The following SLC20A2 variants were observed in gnomAD, a reference collection of about 807,000 sequenced individuals.
The protein encoded by SLC20A2 is sodium-dependent phosphate transporter 2.
In SLC20A2, 30 loss-of-function variants were observed where a neutral mutation model predicts 61.0. The ratio of observed to expected loss-of-function variants is 0.49; its 90% CI spans 0.37 to 0.67. The LOEUF (loss-of-function observed/expected upper bound fraction) is 0.67, where lower values mean the gene tolerates loss of function less well. SLC20A2 is among the 30% of genes least tolerant of loss of function. SLC20A2 has a pLI of 0.00. For synonymous variants in SLC20A2, 351 were observed against 353.3 expected (o/e 0.99, Z 0.07); for missense variants, 626 against 866.4 (o/e 0.72, Z 3.48).
rs1807714866 is a variant in SLC20A2, at chr8:42,472,400, T to C, written c.-10A>G. 1 of 1,606,202 alleles carries C rather than the reference T, an allele frequency of 6.2e-7. No homozygotes were observed. Among genetic ancestry groups the C allele is most frequent in the African/African-American group, 1.3e-5 (1 of 74,742 alleles). ...ACTCATCCATGGCCATTTTGGAAAGTGGGTGCCGGGTACTTTTCTTTTGCA... is the reference window on the plus strand; with the variant it reads ...ACTCATCCATGGCCATTTTGGAAAGCGGGTGCCGGGTACTTTTCTTTTGCA... On this transcript the variant is annotated 5_prime_UTR_variant, in exon 2 of 11. Transcript: ENST00000520262. The surrounding 1 kb of genome is among the most constrained non-coding windows in gnomAD (Gnocchi z 4.1).
chr8:42,430,416 G>A (rs1261064321), intron 8 of SLC20A2, among the ~76,000 whole-genome samples, 167 bp from the exon 9 acceptor site: 3 of 152,066 alleles, frequency 2.0e-5, no homozygotes, highest in Admixed American at 2.0e-4. Context: ...AGGCTTGAGT[G>A]CAGTGGTGTG....
At chr8:42,515,684 C>T (rs765294644) in intron 1 of SLC20A2, among the ~76,000 whole-genome samples, 9 of 152,096 alleles carry the variant, frequency 5.9e-5, no homozygotes, top group Non-Finnish European at 7.4e-5. Context: ...GTAGAAATCC[C>T]GGGGTCATAA....
chr8:42,470,038 T>A (rs1807503538), intron 2 of SLC20A2, among the ~76,000 whole-genome samples: 1 of 152,112 alleles, frequency 6.6e-6, no homozygotes, highest in South Asian at 2.1e-4. Flanking sequence ...TTCCACTTGA[T>A]GGAATTAAAT....
chr8:42,428,899 C>T (rs1803632194), intron 9 of SLC20A2, 57 bp from the exon 10 acceptor site: 8 of 1,416,798 alleles, frequency 5.6e-6, no homozygotes, highest in Admixed American at 2.5e-5. Flanking sequence ...CTCCCTGACA[C>T]CCCGTGGGTG....
intron 1 of SLC20A2, chr8:42,536,308 G>T (rs748590984): frequency 6.6e-6 from 1 of 152,190 alleles, no homozygotes; most frequent in African/African-American, 2.4e-5. Flanking sequence ...TAAATGATAT[G>T]ATATCCTTCC....
intron 7 of SLC20A2, among the ~76,000 whole-genome samples, chr8:42,438,591 G>A (rs1327175254): frequency 3.3e-5 from 5 of 152,222 alleles, no homozygotes; most frequent in Non-Finnish European, 7.3e-5. Context: ...GTGGTAGGCA[G>A]GTGCCAGAAC....
chr8:42,437,120 G>T lies in SLC20A2; in HGVS notation c.1392C>A (p.Asp464Glu). 6.2e-7 allele frequency: 1 copy of T among 1,613,888 alleles called. No individual in the cohort carries two copies. Residue 464 changes from aspartate to glutamate, a missense_variant, in exon 8 of 11, where the codon GAC becomes GAA. This residue lies in a region of SLC20A2 where 361 missense variants were observed against 422.3 expected (regional missense o/e 0.85). Transcript: ENST00000520262. The surrounding 1 kb of genome is among the most constrained non-coding windows in gnomAD (Gnocchi z 6.4). ...CCTCTGCAGGGTCCTCTCGCGGCTG[G>T]TCAGGGTCGGCCAGCTCCGACGCCA... is the stretch of plus-strand genomic sequence containing the variant. The part of the protein sequence containing the change: ...MKLASELADP[D>E]QPREDPAEEE...
chr8:42,502,244 TCCTGAGA>T (rs1415957755), upstream of SLC20A2: 3 of 152,126 alleles, frequency 2.0e-5, no homozygotes, highest in East Asian at 5.8e-4. Flanking sequence ...CCCCATCTCC[TCCTGAGA>T]CCTTTATAAC....
chr8:42,423,568 C>T (rs1803184067), intron 10 of SLC20A2, among the ~76,000 whole-genome samples: 2 of 152,218 alleles, frequency 1.3e-5, no homozygotes, highest in Admixed American at 6.6e-5. Flanking sequence ...CGATGCTTGA[C>T]AGGAAGGCAT....
chr8:42,527,518 C>T (rs1019662995), intron 1 of SLC20A2, among the ~76,000 whole-genome samples: 3 of 152,096 alleles, frequency 2.0e-5, no homozygotes, highest in African/African-American at 7.2e-5. Flanking sequence ...TGGCTCACAC[C>T]TGTAACCCTA....
intron 5 of SLC20A2, among the ~76,000 whole-genome samples, chr8:42,451,815 G>A (rs965346922): frequency 7.2e-6 from 1 of 139,184 alleles, no homozygotes; most frequent in African/African-American, 2.7e-5. Flanking sequence ...GATGGAGGAG[G>A]AGAAGGAAGA....
At chr8:42,530,277 C>T (rs1258688717) in intron 1 of SLC20A2, among the ~76,000 whole-genome samples, 2 of 152,056 alleles carry the variant, frequency 1.3e-5, no homozygotes, top group Non-Finnish European at 2.9e-5. Context: ...ATTAGAAATG[C>T]AGGAAGTTAA....
At chr8:42,492,223 G>A (rs190939117) in intron 1 of SLC20A2, among the ~76,000 whole-genome samples, 1 of 152,300 alleles carries the variant, frequency 6.6e-6, no homozygotes, top group Admixed American at 6.5e-5. Flanking sequence ...GGGTGTGGTA[G>A]TGGGCGCCTG....
intron 5 of SLC20A2, among the ~76,000 whole-genome samples, chr8:42,452,947 A>G (rs1805862939): frequency 6.6e-6 from 1 of 152,198 alleles, no homozygotes; most frequent in Admixed American, 6.5e-5. Context: ...ACGTGCCTAG[A>G]GCAGTGGTTC....
intron 8 of SLC20A2, among the ~76,000 whole-genome samples, chr8:42,432,786 A>T (rs1414184581): frequency 6.6e-6 from 1 of 152,236 alleles, no homozygotes; most frequent in African/African-American, 2.4e-5. Flanking sequence ...GATTGCTAGC[A>T]TTATTTTTTA....
intron 1 of SLC20A2, among the ~76,000 whole-genome samples, chr8:42,474,666 A>G (rs1489834022): frequency 3.9e-5 from 6 of 152,218 alleles, no homozygotes; most frequent in Admixed American, 3.9e-4. Context: ...TAGGACAAAC[A>G]TGAATAATAT....
At chr8:42,478,893 A>C (rs1009350690) in intron 1 of SLC20A2, among the ~76,000 whole-genome samples, 3 of 152,208 alleles carry the variant, frequency 2.0e-5, no homozygotes, top group Non-Finnish European at 2.9e-5. Flanking sequence ...AAAAAAAAAA[A>C]ACACAGTTCT....
intron 1 of SLC20A2, among the ~76,000 whole-genome samples, chr8:42,497,714 GTTT>G (rs35618027): frequency 2.2e-5 from 3 of 135,550 alleles, no homozygotes; most frequent in Non-Finnish European, 4.8e-5. Context: ...CCCTCAATTG[GTTT>G]TTTTTTTTTT....
intron 10 of SLC20A2, among the ~76,000 whole-genome samples, chr8:42,427,399 T>C (rs548665686): frequency 6.6e-6 from 1 of 152,324 alleles, no homozygotes; most frequent in Admixed American, 6.5e-5. Context: ...CATGTGGCTG[T>C]GTGCATGTGG....
Sources: gnomAD v4.1 joint callset for allele counts (sites outside exome capture counted in the v4.1 genomes callset) on GRCh38, gnomAD v4.1.1 for gene constraint, gnomAD v4.1.1 regional missense constraint, Gnocchi (gnomAD v3.1) non-coding constraint, MANE v1.5 for transcripts, NCBI Gene and HGNC (gene_info 2026-07-23, HGNC 2026-07-21) for gene names.